The following TMEM132C variants were observed in gnomAD, a reference collection of about 807,000 sequenced individuals.
The protein encoded by TMEM132C is protein phosphatase 1, regulatory subunit 152.
TMEM132C carries 29 observed loss-of-function variants against 61.4 expected under a neutral mutation model. The observed-to-expected ratio is 0.47, with a 90% CI of 0.35 to 0.64. The LOEUF is 0.64. TMEM132C is among the 30% of genes least tolerant of loss of function. The pLI is 0.00. For synonymous variants in TMEM132C, 656 were observed against 633.1 expected (o/e 1.04, Z -0.54); for missense variants, 1,408 against 1,476.9 (o/e 0.95, Z 0.76).
intron 4 of TMEM132C, among the ~76,000 whole-genome samples, chr12:128,653,519 G>A (rs968719282): frequency 1.3e-5 from 2 of 152,190 alleles, no homozygotes; most frequent in African/African-American, 2.4e-5. Flanking sequence ...ATTGTAGTGG[G>A]TCAGAGCATG....
chr12:128,583,010 A>T (rs917795136), intron 3 of TMEM132C, among the ~76,000 whole-genome samples: 9 of 152,356 alleles, frequency 5.9e-5, no homozygotes, highest in African/African-American at 2.2e-4. Flanking sequence ...TTTATGGAAC[A>T]GCAGTTCCAT....
intron 2 of TMEM132C, among the ~76,000 whole-genome samples, chr12:128,508,387 C>T (rs1872451007): frequency 6.6e-6 from 1 of 152,220 alleles, no homozygotes; most frequent in Admixed American, 6.5e-5. Context: ...CAAACCATAT[C>T]AGTGGGTGAC....
intron 1 of TMEM132C, among the ~76,000 whole-genome samples, chr12:128,411,226 T>C (rs373658790): frequency 2.0e-4 from 30 of 152,224 alleles, no homozygotes; most frequent in African/African-American, 7.0e-4. Context: ...AGTGAACAAC[T>C]TGGGGCTAAC....
rs531711263 is a variant in TMEM132C, at chr12:128,512,126, TAGAA to T, written c.975-31828_975-31825del. Among the ~76,000 whole-genome samples, 8 of 152,154 alleles carry T rather than the reference TAGAA, an allele frequency of 5.3e-5. No homozygotes were observed. The South Asian group carries it at 1.2e-3, about 24-fold the overall frequency. ...CTTTTTAAGGTATGTCATTATTCCT[TAGAA>T]AGCAAAATAAAGCTCAAAAATCATA... On this transcript the variant is annotated intron_variant, in intron 2 of 8. Coordinates refer to ENST00000435159, the MANE Select transcript of TMEM132C (RefSeq NM_001136103.3).
intron 1 of TMEM132C, among the ~76,000 whole-genome samples, chr12:128,406,612 G>T (rs1475564909): frequency 1.3e-5 from 2 of 152,094 alleles, no homozygotes; most frequent in African/African-American, 2.4e-5. Context: ...CTGAAGGAGT[G>T]GCCATGTGTG....
intron 2 of TMEM132C, among the ~76,000 whole-genome samples, chr12:128,471,772 T>C (rs1870961065): frequency 6.6e-6 from 1 of 152,220 alleles, no homozygotes; most frequent in Non-Finnish European, 1.5e-5. Flanking sequence ...CCGCTAGGGC[T>C]ATGTGGAAGA....
At chr12:128,443,447 C>T (rs1299678634) in intron 2 of TMEM132C, among the ~76,000 whole-genome samples, 4 of 152,114 alleles carry the variant, frequency 2.6e-5, no homozygotes. Context: ...TGTTTAAAAG[C>T]ATACATTTAA....
At chr12:128,317,290 A>G (rs778392862) in intron 1 of TMEM132C, among the ~76,000 whole-genome samples, 1 of 152,240 alleles carries the variant, frequency 6.6e-6, no homozygotes, top group Non-Finnish European at 1.5e-5. Flanking sequence ...TACAATAAAA[A>G]GAAGTAAGAA....
chr12:128,677,689 G>A (rs540547979), intron 5 of TMEM132C, among the ~76,000 whole-genome samples: 13 of 152,266 alleles, frequency 8.5e-5, no homozygotes, highest in African/African-American at 2.6e-4. Context: ...TGTGCCTTCC[G>A]CAGGACTCCT....
At chr12:128,506,168 G>A (rs1462112526) in intron 2 of TMEM132C, among the ~76,000 whole-genome samples, 2 of 152,190 alleles carry the variant, frequency 1.3e-5, no homozygotes, top group Admixed American at 6.5e-5. Context: ...TCGGCAGCTA[G>A]CAGACACGTC....
intron 2 of TMEM132C, among the ~76,000 whole-genome samples, chr12:128,507,917 C>G (rs1872430784): frequency 6.6e-6 from 1 of 152,132 alleles, no homozygotes; most frequent in South Asian, 2.1e-4. Context: ...GAAAAATCCA[C>G]TCAGATGGAG....
At chr12:128,526,397 C>T (rs1308548648) in intron 2 of TMEM132C, among the ~76,000 whole-genome samples, 1 of 152,244 alleles carries the variant, frequency 6.6e-6, no homozygotes, top group South Asian at 2.1e-4. Flanking sequence ...GTGGATGAGG[C>T]TCCCTTAGTC....
intron 2 of TMEM132C, among the ~76,000 whole-genome samples, chr12:128,531,925 C>A (rs945462951): frequency 6.6e-6 from 1 of 152,124 alleles, no homozygotes; most frequent in African/African-American, 2.4e-5. Flanking sequence ...TGGTGGCAGA[C>A]GGGGAGATGG....
intron 2 of TMEM132C, among the ~76,000 whole-genome samples, chr12:128,453,399 C>G (rs1242877404): frequency 6.6e-6 from 1 of 152,176 alleles, no homozygotes; most frequent in Non-Finnish European, 1.5e-5. Context: ...CTGAGCTTCT[C>G]CCTTTGTGGT....
At chr12:128,399,284 C>T (rs548125530) in intron 1 of TMEM132C, among the ~76,000 whole-genome samples, 2 of 152,194 alleles carry the variant, frequency 1.3e-5, no homozygotes, top group South Asian at 4.2e-4. Context: ...GGAAAAAGGC[C>T]ATCATAAAGA....
chr12:128,574,854 C>T (rs1326703440), intron 3 of TMEM132C, among the ~76,000 whole-genome samples: 1 of 152,200 alleles, frequency 6.6e-6, no homozygotes, highest in Non-Finnish European at 1.5e-5. Flanking sequence ...TGCCACTCCT[C>T]ATTACTTTAG....
At chr12:128,374,076 T>A (rs571855790) in intron 1 of TMEM132C, among the ~76,000 whole-genome samples, 2 of 152,330 alleles carry the variant, frequency 1.3e-5, no homozygotes, top group South Asian at 4.1e-4. Flanking sequence ...TGCTCCATGC[T>A]GTGTAAGACA....
intron 1 of TMEM132C, among the ~76,000 whole-genome samples, chr12:128,410,684 G>A (rs747040820): frequency 1.1e-4 from 17 of 152,082 alleles, no homozygotes; most frequent in South Asian, 2.1e-4. Context: ...GATTACAGGC[G>A]TGAGCCACCG....
intron 3 of TMEM132C, among the ~76,000 whole-genome samples, chr12:128,547,208 G>A (rs554471919): frequency 3.9e-5 from 6 of 152,302 alleles, no homozygotes; most frequent in Non-Finnish European, 8.8e-5. Flanking sequence ...GGGTTGCGCA[G>A]TCAAGTATCT....
Sources: allele counts gnomAD v4.1 joint callset (sites outside exome capture counted in the v4.1 genomes callset), GRCh38; gene constraint gnomAD v4.1.1; transcripts MANE v1.5; gene names NCBI Gene and HGNC (gene_info 2026-07-23, HGNC 2026-07-21).